The following PPP1R37 variants were observed in gnomAD, a reference collection of about 807,000 sequenced individuals.
The protein encoded by PPP1R37 is protein phosphatase 1 regulatory subunit 37.
Under a neutral mutation model 61.0 loss-of-function variants are expected in PPP1R37, and 21 were observed. The observed-to-expected ratio is 0.34, with a 90% CI of 0.24 to 0.50. The LOEUF is 0.50. PPP1R37 is among the 20% of genes least tolerant of loss of function. The probability of loss-of-function intolerance (pLI) is 0.98; values close to 1 mark genes in which losing one functional copy is unlikely to be tolerated. For synonymous variants in PPP1R37, 443 were observed against 433.5 expected (o/e 1.02, Z -0.27); for missense variants, 910 against 952.7 (o/e 0.96, Z 0.59).
In PPP1R37 at chr19:45,123,647, T is replaced by C. The variant is rs76963052; in HGVS notation, c.203-14867T>C. Among the ~76,000 whole-genome samples, 348 of 152,282 alleles carry C rather than the reference T, an allele frequency of 2.3e-3. 2 individuals carry two copies. The highest frequency in any genetic ancestry group is 7.4e-3 in the African/African-American group (309 of 41,552). On this transcript the variant is annotated intron_variant, in intron 1 of 12. Coordinates refer to ENST00000221462, the MANE Select transcript of PPP1R37 (RefSeq NM_019121.2). ...AGGCTGGAAATTCTACTCTGCAGGA[T>C]TATGATGCGGATTAAATGCAGTAAT...
In PPP1R37 at chr19:45,145,211, A is replaced by G. The variant is rs1968672490; in HGVS notation, c.1247A>G (p.Asn416Ser). Residue 416 changes from asparagine to serine, a missense_variant, in exon 10 of 13, where the codon AAC (asparagine) becomes AGC (serine). Transcript: ENST00000221462. ...LMALSLALKV[N>S]HSLLRLDLDR... ...GCACTGTCGTTGGCCCTCAAGGTGA[A>G]CCACTCACTGCTGCGCCTGGACCTC... The G allele has an allele frequency of 2.0e-6, 3 of 1,535,122 alleles. No homozygotes were observed. The highest frequency in any genetic ancestry group is 2.7e-5 in the African/African-American group (2 of 73,078).
chr19:45,142,107 A>T lies in PPP1R37; in HGVS notation c.614A>T (p.Asp205Val). ...YLDARNTPLL[D>V]HSAPFVARAL... ...GACGCCCGCAACACGCCCCTGCTGG[A>T]CCACTCGGCGCCCTTCGTGGCCCGT... Residue 205 changes from aspartate (D) to valine (V), a missense_variant, in exon 6 of 13, where the codon GAC becomes GTC. Coordinates refer to ENST00000221462, the MANE Select transcript of PPP1R37 (RefSeq NM_019121.2). 6.5e-7 allele frequency: 1 copy of T among 1,533,656 alleles called. No homozygotes were observed. The highest frequency in any genetic ancestry group is 8.7e-7 in the Non-Finnish European group (1 of 1,145,928).
At position 45,142,443 on chromosome 19, in the gene PPP1R37, C is replaced by T; in HGVS notation, c.859C>T (p.His287Tyr). The part of the protein sequence containing the change: ...SLQILDLRNN[H>Y]VLDSGLAYIC... ...GCAGATCCTGGACCTCCGGAACAACCACGTGCTAGACTCGGGTGGGTGCAG... is the reference window on the plus strand; with the variant it reads ...GCAGATCCTGGACCTCCGGAACAACTACGTGCTAGACTCGGGTGGGTGCAG... The change falls in exon 7 of 13, where the codon CAC becomes TAC. Residue 287 changes from histidine (H) to tyrosine (Y), a missense_variant. Around this residue, in one of 3 missense-constraint regions of PPP1R37, gnomAD observed 280 missense variants for 382.2 expected, o/e 0.73. Transcript: ENST00000221462. The T allele has an allele frequency of 6.5e-7, 1 of 1,536,090 alleles. No homozygotes were observed. Among genetic ancestry groups the T allele is most frequent in the Non-Finnish European group, 8.7e-7 (1 of 1,146,898 alleles).
intron 1 of PPP1R37, among the ~76,000 whole-genome samples, chr19:45,094,716 A>G (rs1009043679): frequency 7.9e-5 from 12 of 151,672 alleles, no homozygotes; most frequent in African/African-American, 2.9e-4. Flanking sequence ...TGACAAGAGC[A>G]AAACTCCGGC....
chr19:45,127,124 C>T (rs976460096), intron 1 of PPP1R37, among the ~76,000 whole-genome samples: 4 of 151,980 alleles, frequency 2.6e-5, no homozygotes, highest in South Asian at 4.2e-4. Flanking sequence ...TCTAGATGGG[C>T]GGATCACCTG....
At position 45,146,601 on chromosome 19, in the gene PPP1R37, T is replaced by A; in HGVS notation, c.*39T>A. On this transcript the variant is annotated 3_prime_UTR_variant, in exon 13 of 13. Coordinates refer to ENST00000221462, the MANE Select transcript of PPP1R37 (RefSeq NM_019121.2). ...TTTTTCCGGTCGGTCTGCGATGAGC[T>A]GAGGCCAGAGCCATGAGAATCTGCT... 1 of 695,814 alleles carries A rather than the reference T, an allele frequency of 1.4e-6. No individual in the cohort carries two copies. The highest frequency in any genetic ancestry group is 2.4e-6 in the Non-Finnish European group (1 of 414,962). 43.1% of individuals were successfully genotyped at this position (695,814 alleles called of 1,614,324 possible).
At chr19:45,119,799 C>T (rs1476171082) in intron 1 of PPP1R37, among the ~76,000 whole-genome samples, 1 of 152,124 alleles carries the variant, frequency 6.6e-6, no homozygotes. Context: ...GGGTGTGGTG[C>T]TCAGAGAAGA....
At chr19:45,107,052 G>A (rs980184754) in intron 1 of PPP1R37, among the ~76,000 whole-genome samples, 3 of 151,790 alleles carry the variant, frequency 2.0e-5, no homozygotes, top group Non-Finnish European at 2.9e-5. Flanking sequence ...TCCTGAACTC[G>A]TGATCCGCCC....
chr19:45,126,086 C>T (rs938449100), intron 1 of PPP1R37, among the ~76,000 whole-genome samples: 1 of 152,228 alleles, frequency 6.6e-6, no homozygotes, highest in Non-Finnish European at 1.5e-5. Flanking sequence ...ATGGAGAGTC[C>T]TGCAGAGAGG....
In PPP1R37 at chr19:45,145,972, C is replaced by G; in HGVS notation, c.1916C>G (p.Pro639Arg). 6.5e-7 allele frequency: 1 copy of G among 1,534,636 alleles called. No homozygotes were observed. Among genetic ancestry groups the G allele is most frequent in the Non-Finnish European group, 8.7e-7 (1 of 1,146,320 alleles). Residue 639 changes from proline (P) to arginine (R), a missense_variant, in exon 11 of 13, where the codon CCC (proline) becomes CGC (arginine). Physicochemically the swap from Pro to Arg is moderately radical, Grantham distance 103. This residue lies in a region of PPP1R37 where 549 missense variants were observed against 505.1 expected (regional missense o/e 1.09). Transcript: ENST00000221462. ...SGPPLPNGLKPEFALALPPEP... is the reference protein window; with the variant it reads ...SGPPLPNGLKREFALALPPEP... ...CCACCACTGCCCAACGGCCTGAAGC[C>G]CGAGTTCGCCCTGGCACTGCCCCCT...
In PPP1R37 at chr19:45,140,502, C is replaced by A; in HGVS notation, c.347-4C>A. 2 of 1,532,336 alleles carry A rather than the reference C, an allele frequency of 1.3e-6. No homozygotes were observed. The highest frequency in any genetic ancestry group is 1.7e-6 in the Non-Finnish European group (2 of 1,143,504). The allele number at this position is 1,532,336 out of a possible 1,614,324, so 94.9% of individuals were successfully genotyped here. A position where few individuals can be genotyped will look rare whatever the true frequency, so the allele number is the denominator to read the frequency against. On this transcript the variant is annotated splice_region_variant and splice_polypyrimidine_tract_variant and intron_variant, in intron 3 of 12. Coordinates refer to ENST00000221462, the MANE Select transcript of PPP1R37 (RefSeq NM_019121.2). Reference sequence around the variant, plus strand: ...ACATGCGCACGGCTGCTGTCTCCCCCCAGGTGAGAAGCTTGACTACAAGAC... The same window carrying A: ...ACATGCGCACGGCTGCTGTCTCCCCACAGGTGAGAAGCTTGACTACAAGAC...
At chr19:45,140,362 C>A in intron 3 of PPP1R37, 81 bp downstream of exon 3, 1 of 1,215,642 alleles carries the variant, frequency 8.2e-7, no homozygotes, top group Non-Finnish European at 1.1e-6. Context: ...GAGGACCTGC[C>A]TGGGGTTAGC....
intron 1 of PPP1R37, among the ~76,000 whole-genome samples, chr19:45,096,889 G>A (rs1006886017): frequency 3.9e-5 from 6 of 152,182 alleles, no homozygotes; most frequent in Non-Finnish European, 7.3e-5. Flanking sequence ...GCTTGGCAGT[G>A]AGGAGTTGGA....
intron 1 of PPP1R37, among the ~76,000 whole-genome samples, chr19:45,114,695 C>T (rs897066564): frequency 7.9e-5 from 12 of 152,038 alleles, no homozygotes; most frequent in African/African-American, 2.7e-4. Flanking sequence ...ACCTATAATT[C>T]CAGCACTTTG....
chr19:45,117,834 C>T (rs1968290221), intron 1 of PPP1R37, among the ~76,000 whole-genome samples: 1 of 152,226 alleles, frequency 6.6e-6, no homozygotes, highest in African/African-American at 2.4e-5. Context: ...GAGGCTGGCT[C>T]CGTAAGCCAG....
At chr19:45,134,291 A>C (rs1461473033) in intron 1 of PPP1R37, among the ~76,000 whole-genome samples, 1 of 152,076 alleles carries the variant, frequency 6.6e-6, no homozygotes, top group Non-Finnish European at 1.5e-5. Flanking sequence ...GGCGTGAGCC[A>C]TGTGCCCAGT....
At chr19:45,099,852 G>A (rs1222451570) in intron 1 of PPP1R37, among the ~76,000 whole-genome samples, 8 of 152,222 alleles carry the variant, frequency 5.3e-5, no homozygotes, top group Non-Finnish European at 1.0e-4. Flanking sequence ...GTGCCAGGAC[G>A]AGGACTCTTT....
Position 45,144,845 on chromosome 19 carries a change from T to G in PPP1R37, c.988-9T>G. 1 of 1,524,646 alleles carries G rather than the reference T, an allele frequency of 6.6e-7. No individual in the cohort carries two copies. Among genetic ancestry groups the G allele is most frequent in the Non-Finnish European group, 8.8e-7 (1 of 1,140,042 alleles). The allele number at this position is 1,524,646 out of a possible 1,614,324, so 94.4% of individuals were successfully genotyped here. A position where few individuals can be genotyped will look rare whatever the true frequency, so the allele number is the denominator to read the frequency against. On this transcript the variant is annotated splice_polypyrimidine_tract_variant and intron_variant, in intron 8 of 12. Coordinates refer to ENST00000221462, the MANE Select transcript of PPP1R37 (RefSeq NM_019121.2). ...GCCTCCTCCTCACCCTCACACCCCC[T>G]CCCTCCAGCCGCACACTCAGAGCCT... is the stretch of plus-strand genomic sequence containing the variant.
intron 1 of PPP1R37, among the ~76,000 whole-genome samples, chr19:45,095,089 C>G (rs35862522): frequency 0.25 from 37,749 of 152,094 alleles, 5,447 homozygotes; most frequent in Non-Finnish European, 0.33. Flanking sequence ...TATTGCCAGT[C>G]TGTGGACAAT....
Sources: allele counts gnomAD v4.1 joint callset (sites outside exome capture counted in the v4.1 genomes callset), GRCh38; gene constraint gnomAD v4.1.1; regional missense constraint gnomAD v4.1.1; transcripts MANE v1.5; gene names NCBI Gene and HGNC (gene_info 2026-07-23, HGNC 2026-07-21).